Variants in ANKS1B observed in about 807,000 individuals in gnomAD.
ANKS1B encodes ankyrin repeat and sterile alpha motif domain containing 1B, also known as ankyrin repeat and sterile alpha motif domain-containing protein 1B.
In ANKS1B, 36 loss-of-function variants were observed where a neutral mutation model predicts 148.3. The ratio of observed to expected loss-of-function variants is 0.24; its 90% confidence interval spans 0.19 to 0.32. The LOEUF (loss-of-function observed/expected upper bound fraction) is 0.32, where lower values mean the gene tolerates loss of function less well. Ranked by LOEUF, ANKS1B falls within the 10% of genes least tolerant of loss-of-function variation. The pLI is 1.00. For synonymous variants in ANKS1B, 542 were observed against 560.8 expected (o/e 0.97, Z 0.47); for missense variants, 1,157 against 1,542.6 (o/e 0.75, Z 4.19).
chr12:99,793,699 G>C (rs762843970), intron 4 of ANKS1B, among the ~76,000 whole-genome samples: 2 of 151,904 alleles, frequency 1.3e-5, no homozygotes, highest in South Asian at 4.2e-4. Context: ...TGAATCTAAG[G>C]CTTCAAACTC....
At chr12:99,223,401 T>C (rs1295141708) in intron 14 of ANKS1B, among the ~76,000 whole-genome samples, 3 of 152,170 alleles carry the variant, frequency 2.0e-5, no homozygotes, top group Non-Finnish European at 4.4e-5. Flanking sequence ...GAAATAATTA[T>C]ACAACTCACT....
intron 16 of ANKS1B, among the ~76,000 whole-genome samples, chr12:99,073,547 C>G (rs2046909010): frequency 6.6e-6 from 1 of 152,204 alleles, no homozygotes; most frequent in Non-Finnish European, 1.5e-5. Context: ...ACCCCGGTGG[C>G]TGCTGGACAG....
intron 10 of ANKS1B, among the ~76,000 whole-genome samples, chr12:99,502,622 T>C (rs1434582142): frequency 2.0e-5 from 3 of 152,144 alleles, no homozygotes; most frequent in Non-Finnish European, 4.4e-5. Context: ...CTCATTAACA[T>C]GTAACCTTGG....
chr12:99,322,812 T>A (rs1042118958), intron 12 of ANKS1B, among the ~76,000 whole-genome samples: 2 of 152,236 alleles, frequency 1.3e-5, no homozygotes, highest in African/African-American at 4.8e-5. Flanking sequence ...GGAAGATAAC[T>A]GAATCATGGA....
intron 9 of ANKS1B, among the ~76,000 whole-genome samples, chr12:99,608,703 C>G (rs1399218508): frequency 1.3e-5 from 2 of 151,974 alleles, no homozygotes; most frequent in East Asian, 3.9e-4. Context: ...AGACACAGGA[C>G]CAAATGAGGA....
intron 10 of ANKS1B, among the ~76,000 whole-genome samples, chr12:99,493,765 T>C (rs1417176017): frequency 6.6e-6 from 1 of 152,150 alleles, no homozygotes; most frequent in Non-Finnish European, 1.5e-5. Context: ...ATGCTAAGGT[T>C]GAGGTGCCCT....
chr12:99,577,994 C>A (rs1234664304), intron 9 of ANKS1B, among the ~76,000 whole-genome samples: 1 of 152,092 alleles, frequency 6.6e-6, no homozygotes, highest in East Asian at 1.9e-4. Context: ...CAAACCAAAT[C>A]CAGCTGTGAT....
At chr12:99,375,138 G>C (rs2093338804) in intron 12 of ANKS1B, among the ~76,000 whole-genome samples, 1 of 152,060 alleles carries the variant, frequency 6.6e-6, no homozygotes. Flanking sequence ...AAAGCACTTG[G>C]GTATATCAGG....
At chr12:99,437,708 C>G (rs961037170) in intron 11 of ANKS1B, among the ~76,000 whole-genome samples, 1 of 151,914 alleles carries the variant, frequency 6.6e-6, no homozygotes, top group South Asian at 2.1e-4. Context: ...CACCTCCTAA[C>G]AAAATATTTA....
intron 15 of ANKS1B, among the ~76,000 whole-genome samples, chr12:99,113,438 T>C (rs1222422937): frequency 2.0e-5 from 3 of 152,180 alleles, no homozygotes; most frequent in African/African-American, 7.2e-5. Flanking sequence ...GAATGAGTTG[T>C]CAAAGAGGAT....
chr12:99,220,449 C>CTTTTTTTTT (rs5800380), intron 14 of ANKS1B, among the ~76,000 whole-genome samples: 1 of 112,716 alleles, frequency 8.9e-6, no homozygotes, highest in Non-Finnish European at 1.8e-5. Context: ...AGTAGCATTT[C>CTTTTTTTTT]TTTTTTTTTT....
intron 14 of ANKS1B, among the ~76,000 whole-genome samples, chr12:99,208,915 T>TC (rs1235726321): frequency 6.6e-6 from 1 of 152,198 alleles, no homozygotes; most frequent in African/African-American, 2.4e-5. Context: ...ATTTACTTTT[T>TC]CCTCTCTATT....
At chr12:99,564,281 G>A (rs776112378) in intron 9 of ANKS1B, among the ~76,000 whole-genome samples, 3 of 151,760 alleles carry the variant, frequency 2.0e-5, no homozygotes, top group Non-Finnish European at 4.4e-5. Context: ...ACCAATAGCA[G>A]AACAGGTATA....
chr12:98,779,841 A>G (rs537598444), intron 24 of ANKS1B, among the ~76,000 whole-genome samples: 2 of 152,338 alleles, frequency 1.3e-5, no homozygotes, highest in East Asian at 3.9e-4. Flanking sequence ...AACAACCATC[A>G]ACAATATTTT....
At chr12:99,041,193 C>A (rs1568508800) in intron 17 of ANKS1B, among the ~76,000 whole-genome samples, 1 of 152,098 alleles carries the variant, frequency 6.6e-6, no homozygotes, top group Non-Finnish European at 1.5e-5. Context: ...AAAACAAATT[C>A]CCATTATTGT....
intron 14 of ANKS1B, among the ~76,000 whole-genome samples, chr12:99,188,908 C>T (rs11524969): frequency 6.6e-6 from 1 of 152,080 alleles, no homozygotes; most frequent in African/African-American, 2.4e-5. Context: ...AATCCAGGAG[C>T]TGGTTTTCTG....
intron 15 of ANKS1B, among the ~76,000 whole-genome samples, chr12:99,088,703 C>A (rs1320054463): frequency 6.6e-6 from 1 of 152,072 alleles, no homozygotes; most frequent in East Asian, 1.9e-4. Flanking sequence ...AACTATCTAA[C>A]CATTTCTTTG....
At chr12:99,701,719 T>A (rs763367693) in intron 8 of ANKS1B, among the ~76,000 whole-genome samples, 1 of 152,066 alleles carries the variant, frequency 6.6e-6, no homozygotes, top group African/African-American at 2.4e-5. Flanking sequence ...CTGGTCACCA[T>A]CATTTTACTC....
intron 12 of ANKS1B, among the ~76,000 whole-genome samples, chr12:99,377,205 A>G (rs1027103184): frequency 1.3e-5 from 2 of 152,018 alleles, no homozygotes; most frequent in African/African-American, 2.4e-5. Flanking sequence ...ACGGGGTTTC[A>G]CCATGTTGGC....
Sources: allele counts gnomAD v4.1 joint callset (sites outside exome capture counted in the v4.1 genomes callset), GRCh38; gene constraint gnomAD v4.1.1; transcripts MANE v1.5; gene names NCBI Gene and HGNC (gene_info 2026-07-23, HGNC 2026-07-21).